The following IL34 variants were observed in gnomAD, a reference collection of about 807,000 sequenced individuals.
IL34 encodes interleukin 34.
A neutral mutation model predicts 25.3 loss-of-function variants in IL34; 17 were observed. The ratio of observed to expected loss-of-function variants is 0.67; its 90% CI spans 0.46 to 1.01. The LOEUF is 1.01. IL34 is among the 50% of genes least tolerant of loss of function. The probability of loss-of-function intolerance (pLI) is 0.00; values close to 1 mark genes in which losing one functional copy is unlikely to be tolerated. For synonymous variants in IL34, 174 were observed against 140.9 expected (o/e 1.23, Z -1.66); for missense variants, 368 against 312.9 (o/e 1.18, Z -1.33).
At chr16:70,645,614 C>T (rs1447469128), upstream of IL34, among the ~76,000 whole-genome samples, 1 of 152,154 alleles carries the variant, frequency 6.6e-6, no homozygotes, top group East Asian at 1.9e-4. Context: ...GCCACCAGCC[C>T]ACAGGGTTTG....
chr16:70,641,690 C>G (rs532198130), upstream of IL34, among the ~76,000 whole-genome samples: 138 of 152,000 alleles, frequency 9.1e-4, 1 homozygote, highest in African/African-American at 3.1e-3. Context: ...CCTTAGCCTC[C>G]CTAGCAGCTG....
chr16:70,592,518 C>T (rs2050767818), intron 1 of IL34, among the ~76,000 whole-genome samples: 1 of 152,064 alleles, frequency 6.6e-6, no homozygotes, highest in African/African-American at 2.4e-5. Flanking sequence ...GGTTCTGAGA[C>T]TTGAATCCTG....
chr16:70,659,944 G>C, intron 5 of IL34, 53 bp from the exon 6 acceptor site: 2 of 1,516,298 alleles, frequency 1.3e-6, no homozygotes, highest in Non-Finnish European at 1.8e-6. Context: ...TTAGTGGGGA[G>C]GGTGGTCTTG....
intron 1 of IL34, among the ~76,000 whole-genome samples, chr16:70,588,756 C>T (rs962055853): frequency 1.1e-4 from 16 of 152,082 alleles, no homozygotes; most frequent in African/African-American, 2.9e-4. Flanking sequence ...CATGCTACAA[C>T]GTGAATGAAC....
chr16:70,619,540 G>A (rs969194401), intron 1 of IL34, among the ~76,000 whole-genome samples: 5 of 151,718 alleles, frequency 3.3e-5, no homozygotes, highest in African/African-American at 1.2e-4. Flanking sequence ...TAGAAGCCTG[G>A]CCGTCAATAC....
At chr16:70,620,952 G>A (rs550958956) in intron 1 of IL34, among the ~76,000 whole-genome samples, 2 of 152,272 alleles carry the variant, frequency 1.3e-5, no homozygotes, top group South Asian at 4.2e-4. Context: ...AGAGAAAAGA[G>A]TAGAGACACG....
chr16:70,607,686 T>C (rs890078323), intron 1 of IL34, among the ~76,000 whole-genome samples: 1 of 152,200 alleles, frequency 6.6e-6, no homozygotes, highest in Non-Finnish European at 1.5e-5. Context: ...AGTGTTTTTA[T>C]TGGGGATAAA....
intron 1 of IL34, among the ~76,000 whole-genome samples, chr16:70,619,693 C>T (rs970003746): frequency 6.6e-5 from 10 of 152,306 alleles, no homozygotes; most frequent in African/African-American, 9.6e-5. Flanking sequence ...TGATGGTCTA[C>T]AGGGCTTTCG....
rs540974982 is a variant in IL34 at position 70,596,443 on chromosome 16, C to T, written c.-401+16394C>T. 1.1e-4 allele frequency among the ~76,000 whole-genome samples: 16 copies of T among 152,304 alleles called. No homozygotes were observed. The South Asian group carries it at 2.7e-3, about 26-fold the overall frequency. ...CAGGCTGTGATATGGAGCCAGGGAG[C>T]GTGAGTTGCTGCAAAGCAGGCATCT... On this transcript the variant is annotated intron_variant, in intron 1 of 6. Transcript: ENST00000429149.
chr16:70,614,451 C>A (rs2051143883), intron 1 of IL34, among the ~76,000 whole-genome samples: 1 of 152,258 alleles, frequency 6.6e-6, no homozygotes, highest in African/African-American at 2.4e-5. Context: ...TTTTTAACAG[C>A]CTCTCCAGGT....
intron 5 of IL34, 112 bp from the exon 6 acceptor site, chr16:70,659,885 G>C: frequency 3.4e-6 from 5 of 1,474,336 alleles, no homozygotes; most frequent in Non-Finnish European, 4.6e-6. Flanking sequence ...ATTTCTGGAA[G>C]CCAGGATGGG....
chr16:70,624,940 T>G (rs9929528), intron 1 of IL34, among the ~76,000 whole-genome samples: 81,453 of 150,980 alleles, frequency 0.54, 23,849 homozygotes, highest in African/African-American at 0.78. Flanking sequence ...GAAGATTTGG[T>G]ACGAGTTGCA....
chr16:70,613,295 T>C (rs1294191755), intron 1 of IL34, among the ~76,000 whole-genome samples: 1 of 152,198 alleles, frequency 6.6e-6, no homozygotes, highest in African/African-American at 2.4e-5. Context: ...TTCCATGCCA[T>C]GTTCTGAAGG....
intron 1 of IL34, among the ~76,000 whole-genome samples, chr16:70,603,886 C>A (rs1293139386): frequency 6.6e-6 from 1 of 152,172 alleles, no homozygotes; most frequent in Non-Finnish European, 1.5e-5. Context: ...CTGCCTGATT[C>A]TTTCTATTGC....
At chr16:70,605,189 AG>A (rs2050984525) in intron 1 of IL34, among the ~76,000 whole-genome samples, 1 of 152,060 alleles carries the variant, frequency 6.6e-6, no homozygotes, top group East Asian at 1.9e-4. Context: ...TTGACCTGGG[AG>A]AGGGGAAGGC....
At chr16:70,633,868 T>G (rs1048528178) in intron 1 of IL34, among the ~76,000 whole-genome samples, 1 of 151,970 alleles carries the variant, frequency 6.6e-6, no homozygotes. Flanking sequence ...TTTTTTTTTT[T>G]GAGACAGAGT....
At chr16:70,635,633 G>A (rs937744337) in intron 1 of IL34, among the ~76,000 whole-genome samples, 2 of 152,144 alleles carry the variant, frequency 1.3e-5, no homozygotes, top group African/African-American at 4.8e-5. Flanking sequence ...CTGGTCCCAC[G>A]CTGGGTTTCT....
At chr16:70,608,344 G>C (rs2051042607) in intron 1 of IL34, among the ~76,000 whole-genome samples, 1 of 151,762 alleles carries the variant, frequency 6.6e-6, no homozygotes, top group Non-Finnish European at 1.5e-5. Flanking sequence ...GGCAAGGCTG[G>C]TCTTGAACTC....
intron 1 of IL34, among the ~76,000 whole-genome samples, chr16:70,639,922 C>T (rs2051742013): frequency 1.3e-5 from 2 of 151,856 alleles, no homozygotes; most frequent in Admixed American, 6.6e-5. Flanking sequence ...TACGCCTCTG[C>T]ACTCCAGCCT....
Sources: allele counts gnomAD v4.1 joint callset (sites outside exome capture counted in the v4.1 genomes callset), GRCh38; gene constraint gnomAD v4.1.1; transcripts MANE v1.5; gene names NCBI Gene and HGNC (gene_info 2026-07-23, HGNC 2026-07-21).